Variants in CHRNA7 observed in about 807,000 individuals in gnomAD.
CHRNA7 encodes cholinergic receptor nicotinic alpha 7 subunit.
A neutral mutation model predicts 48.0 loss-of-function variants in CHRNA7; 17 were observed. The observed-to-expected ratio is 0.35, with a 90% CI of 0.24 to 0.53. CHRNA7 has a LOEUF of 0.53. Ranked by LOEUF, CHRNA7 falls within the 20% of genes least tolerant of loss-of-function variation. The pLI is 0.92. For synonymous variants in CHRNA7, 75 were observed against 242.3 expected (o/e 0.31, Z 6.41); for missense variants, 155 against 577.7 (o/e 0.27, Z 7.50).
chr15:32,033,669 C>A lies in CHRNA7; in HGVS notation c.195+2632C>A, dbSNP rs115358712. Reference sequence around the variant, plus strand: ...GCTCTGCCTGGTTTTTGAAGCAGAGCCAGGTCTCTCCAGCTGAAATCTCAG... The same window carrying A: ...GCTCTGCCTGGTTTTTGAAGCAGAGACAGGTCTCTCCAGCTGAAATCTCAG... On this transcript the variant is annotated intron_variant, in intron 2 of 9. Coordinates refer to ENST00000306901, the MANE Select transcript of CHRNA7 (RefSeq NM_000746.6). 5.5e-3 allele frequency among the ~76,000 whole-genome samples: 844 copies of A among 152,308 alleles called. 8 individuals are homozygous for A. The highest frequency in any genetic ancestry group is 0.019 in the African/African-American group (806 of 41,550).
At chr15:32,031,152 C>G (rs564494012) in intron 2 of CHRNA7, 115 bp downstream of exon 2, 1 of 1,267,798 alleles carries the variant, frequency 7.9e-7, no homozygotes, top group East Asian at 2.4e-5. Context: ...CTAGTTGGCC[C>G]CAAGCTAGGC....
At chr15:32,087,645 A>C (rs1217203528) in intron 2 of CHRNA7, among the ~76,000 whole-genome samples, 1 of 152,114 alleles carries the variant, frequency 6.6e-6, no homozygotes, top group Non-Finnish European at 1.5e-5. Context: ...TAAGTCTCCA[A>C]CTCTCACTCT....
intron 1 of CHRNA7, 29 bp downstream of exon 1, chr15:32,030,678 T>C: frequency 6.4e-7 from 1 of 1,561,674 alleles, no homozygotes; most frequent in Non-Finnish European, 8.6e-7. Flanking sequence ...CGCCCTCCAC[T>C]CCTCCGTGGG....
chr15:32,113,368 C>T (rs1426833494), intron 4 of CHRNA7, among the ~76,000 whole-genome samples: 1 of 152,178 alleles, frequency 6.6e-6, no homozygotes, highest in African/African-American at 2.4e-5. Context: ...AAGGTTCTGT[C>T]TTCAAATAGA....
rs571168618 is a variant in CHRNA7 at position 32,075,952 on chromosome 15, T to A, written c.196-25351T>A. ...TGATTCTTTCTTTTTGACCTACAGATTACTTAGAATGTGTGTTTTTTCAAT... is the reference window on the plus strand; with the variant it reads ...TGATTCTTTCTTTTTGACCTACAGAATACTTAGAATGTGTGTTTTTTCAAT... On this transcript the variant is annotated intron_variant, in intron 2 of 9. Coordinates refer to ENST00000306901, the MANE Select transcript of CHRNA7 (RefSeq NM_000746.6). Among the ~76,000 whole-genome samples, 4 of 152,276 alleles carry A rather than the reference T, an allele frequency of 2.6e-5. No homozygotes were observed. The South Asian group carries it at 8.3e-4, about 32-fold the overall frequency.
chr15:32,106,956 C>T (rs532739408), intron 3 of CHRNA7, among the ~76,000 whole-genome samples: 5 of 152,122 alleles, frequency 3.3e-5, no homozygotes, highest in Admixed American at 6.5e-5. Flanking sequence ...ACAGACAAGC[C>T]GGCTAGTGGC....
intron 9 of CHRNA7, chr15:32,166,141 G>C (rs1172085640): frequency 1.3e-5 from 2 of 152,222 alleles, no homozygotes; most frequent in African/African-American, 2.4e-5. Flanking sequence ...CATGTGAAGT[G>C]ACATAACCAC....
At chr15:32,087,989 T>C (rs1221860399) in intron 2 of CHRNA7, among the ~76,000 whole-genome samples, 2 of 152,246 alleles carry the variant, frequency 1.3e-5, no homozygotes, top group Admixed American at 6.5e-5. Flanking sequence ...GGTTACTCTT[T>C]GTATTATAAA....
chr15:32,121,565 G>T (rs28688416), intron 4 of CHRNA7, among the ~76,000 whole-genome samples: 1 of 152,110 alleles, frequency 6.6e-6, no homozygotes, highest in African/African-American at 2.4e-5. Flanking sequence ...AGAAGATGAC[G>T]TATGTCAGGG....
At chr15:32,051,888 G>C (rs2049689616) in intron 2 of CHRNA7, among the ~76,000 whole-genome samples, 1 of 152,112 alleles carries the variant, frequency 6.6e-6, no homozygotes, top group African/African-American at 2.4e-5. Flanking sequence ...CGTTCCCCAG[G>C]CTGGTCTTGA....
At chr15:32,120,399 C>T (rs1371134911) in intron 4 of CHRNA7, among the ~76,000 whole-genome samples, 1 of 152,078 alleles carries the variant, frequency 6.6e-6, no homozygotes, top group Non-Finnish European at 1.5e-5. Flanking sequence ...AGTTTGTTTT[C>T]TCTGAAGCTG....
chr15:32,104,687 A>G (rs1164917966), intron 3 of CHRNA7, among the ~76,000 whole-genome samples: 4 of 152,164 alleles, frequency 2.6e-5, no homozygotes, highest in African/African-American at 9.7e-5. Context: ...GAATGAAGCA[A>G]AAACTCAAGG....
intron 2 of CHRNA7, among the ~76,000 whole-genome samples, chr15:32,057,781 AAC>A (rs2049810860): frequency 6.6e-6 from 1 of 152,214 alleles, no homozygotes; most frequent in Admixed American, 6.5e-5. Flanking sequence ...GTGAAAGGAT[AAC>A]AGATATGTTG....
At chr15:32,068,680 A>G (rs1015978446) in intron 2 of CHRNA7, among the ~76,000 whole-genome samples, 67 of 151,266 alleles carry the variant, frequency 4.4e-4, no homozygotes, top group African/African-American at 1.6e-3. Context: ...CCGAGATCGC[A>G]CCACTGCACT....
intron 2 of CHRNA7, among the ~76,000 whole-genome samples, chr15:32,095,833 A>G (rs146054499): frequency 7.5e-4 from 114 of 152,342 alleles, no homozygotes; most frequent in African/African-American, 2.7e-3. Context: ...TCGTAATCAC[A>G]GTGTTTGCTG....
In CHRNA7 at chr15:32,101,075, T is replaced by C; in HGVS notation, c.196-228T>C. ...AGAGTTTTAATTTTCTTCTTTATAC[T>C]TTTCCATCTTTTTTAAGTGCTGTAT... On this transcript the variant is annotated intron_variant, in intron 2 of 9. Coordinates refer to ENST00000306901, the MANE Select transcript of CHRNA7 (RefSeq NM_000746.6). The C allele has an allele frequency of 8.7e-6, 4 of 459,616 alleles. No individual in the cohort carries two copies. In the South Asian group the frequency reaches 2.0e-4, roughly 23 times the overall value. 28.5% of individuals were successfully genotyped at this position (459,616 alleles called of 1,614,324 possible).
Position 32,113,437 on chromosome 15 carries a change from A to C in CHRNA7, c.350+1538A>C, listed in dbSNP as rs139083730. On this transcript the variant is annotated intron_variant, in intron 4 of 9. Transcript: ENST00000306901. Reference sequence around the variant, plus strand: ...AACATGTGAGTTTGAGGGAGATGCAACTCAGTCCATAATGAGGGCATTGTA... The same window carrying C: ...AACATGTGAGTTTGAGGGAGATGCACCTCAGTCCATAATGAGGGCATTGTA... Among the ~76,000 whole-genome samples the C allele has an allele frequency of 2.9e-3, 441 of 152,254 alleles. 4 individuals carry two copies. Among genetic ancestry groups the C allele is most frequent in the African/African-American group, 9.3e-3 (388 of 41,556 alleles).
chr15:32,148,058 C>T (rs1159013144), intron 4 of CHRNA7, among the ~76,000 whole-genome samples: 1 of 152,168 alleles, frequency 6.6e-6, no homozygotes, highest in African/African-American at 2.4e-5. Context: ...TCTCTCTTGC[C>T]CTTCTCTCTC....
chr15:32,158,289 C>CCTG, intron 6 of CHRNA7, 123 bp from the exon 7 acceptor site: 1 of 522,134 alleles, frequency 1.9e-6, no homozygotes, highest in Non-Finnish European at 2.7e-6. Flanking sequence ...CAACCCCCCC[C>CCTG]TTTTTTTTTT....
Sources: gnomAD v4.1 joint callset for allele counts (sites outside exome capture counted in the v4.1 genomes callset) on GRCh38, gnomAD v4.1.1 for gene constraint, MANE v1.5 for transcripts, NCBI Gene and HGNC (gene_info 2026-07-23, HGNC 2026-07-21) for gene names.